NRG3: variants seen among roughly 807,000 people sequenced by gnomAD.
The protein encoded by NRG3 is neuregulin 3, also known as pro-neuregulin-3, membrane-bound isoform.
Under a neutral mutation model 66.9 loss-of-function variants are expected in NRG3, and 31 were observed. The ratio of observed to expected loss-of-function variants is 0.46; its 90% CI spans 0.35 to 0.63. NRG3 has a LOEUF of 0.63. Among genes scored for constraint, NRG3 ranks in the 20% least tolerant of loss-of-function variants. The pLI, the probability that NRG3 is intolerant of heterozygous loss-of-function variation, is 0.00. For missense variants in NRG3, 910 were observed against 878.9 expected (o/e 1.04, Z -0.45); for synonymous variants, 393 against 359.4 (o/e 1.09, Z -1.06).
At chr10:82,650,643 T>A (rs1018187420) in intron 2 of NRG3, among the ~76,000 whole-genome samples, 3 of 152,232 alleles carry the variant, frequency 2.0e-5, no homozygotes, top group African/African-American at 7.2e-5. Context: ...TGCATCCACA[T>A]CAGTTTAAGT....
At chr10:82,019,232 T>C (rs191740228) in intron 1 of NRG3, among the ~76,000 whole-genome samples, 12 of 152,316 alleles carry the variant, frequency 7.9e-5, no homozygotes, top group Admixed American at 7.8e-4. Context: ...ATATACTGGA[T>C]TACGTTTATT....
chr10:82,285,974 G>T (rs1242263986), intron 1 of NRG3, among the ~76,000 whole-genome samples: 1 of 152,178 alleles, frequency 6.6e-6, no homozygotes. Flanking sequence ...ACAAATAACT[G>T]TTGATTCTTT....
intron 2 of NRG3, among the ~76,000 whole-genome samples, chr10:82,458,490 T>C (rs1276697491): frequency 2.0e-5 from 3 of 152,062 alleles, no homozygotes; most frequent in Non-Finnish European, 4.4e-5. Context: ...ATAAAGACAC[T>C]GACAAAAAGA....
At chr10:82,112,881 T>C (rs2067472549) in intron 1 of NRG3, among the ~76,000 whole-genome samples, 11 of 152,228 alleles carry the variant, frequency 7.2e-5, no homozygotes, top group Admixed American at 6.5e-4. Context: ...CAAGCTGTAA[T>C]GGCTATTCTG....
At chr10:82,511,968 T>C (rs588386) in intron 2 of NRG3, among the ~76,000 whole-genome samples, 62,079 of 152,010 alleles carry the variant, frequency 0.41, 15,157 homozygotes, top group African/African-American at 0.68. Flanking sequence ...TATTGTTCTT[T>C]TTGTTATTTA....
At chr10:82,727,545 C>A (rs59944468) in intron 2 of NRG3, among the ~76,000 whole-genome samples, 13,171 of 152,290 alleles carry the variant, frequency 0.086, 757 homozygotes, top group African/African-American at 0.15. Context: ...TTGGAAACCT[C>A]TGCCTAGATT....
chr10:82,453,194 T>C (rs1487977641), intron 2 of NRG3, among the ~76,000 whole-genome samples: 1 of 152,208 alleles, frequency 6.6e-6, no homozygotes, highest in African/African-American at 2.4e-5. Context: ...TGAAAAATGC[T>C]ACACAGATTC....
intron 1 of NRG3, among the ~76,000 whole-genome samples, chr10:82,198,467 A>G (rs1264156404): frequency 2.0e-5 from 3 of 152,182 alleles, no homozygotes; most frequent in Non-Finnish European, 1.5e-5. Flanking sequence ...GGTGCTGACT[A>G]TTTGAGTGGG....
At chr10:82,898,684 G>A (rs950448950) in intron 4 of NRG3, among the ~76,000 whole-genome samples, 89 of 150,824 alleles carry the variant, frequency 5.9e-4, no homozygotes, top group Non-Finnish European at 1.0e-3. Flanking sequence ...GACATTAGGT[G>A]TGGGGCTGAA....
At chr10:82,440,961 T>C (rs911213948) in intron 2 of NRG3, among the ~76,000 whole-genome samples, 5 of 152,222 alleles carry the variant, frequency 3.3e-5, no homozygotes, top group Non-Finnish European at 7.3e-5. Flanking sequence ...TTAGAAAATG[T>C]GCACATATTT....
chr10:82,966,761 A>G (rs1032613091), intron 6 of NRG3, among the ~76,000 whole-genome samples: 1 of 152,190 alleles, frequency 6.6e-6, no homozygotes, highest in African/African-American at 2.4e-5. Context: ...TTTTATCAGT[A>G]TAAATAAACT....
At chr10:82,735,849 C>T (rs2058129286) in intron 2 of NRG3, among the ~76,000 whole-genome samples, 1 of 152,072 alleles carries the variant, frequency 6.6e-6, no homozygotes, top group African/African-American at 2.4e-5. Context: ...GTGCAGCAAA[C>T]CACCATGGCA....
At chr10:82,831,531 C>T (rs2062522766) in intron 3 of NRG3, among the ~76,000 whole-genome samples, 1 of 152,020 alleles carries the variant, frequency 6.6e-6, no homozygotes. Flanking sequence ...ATGATGAAGT[C>T]TTGGCTGGGC....
chr10:82,883,259 CCAAT>C (rs138006905), intron 4 of NRG3, among the ~76,000 whole-genome samples: 30,932 of 151,628 alleles, frequency 0.2, 3,402 homozygotes, highest in African/African-American at 0.31. Context: ...CAACAATTGC[CCAAT>C]CAAATTCTTA....
chr10:82,879,568 C>G (rs553523892), intron 4 of NRG3, among the ~76,000 whole-genome samples: 48 of 151,098 alleles, frequency 3.2e-4, no homozygotes, highest in African/African-American at 1.1e-3. Context: ...CACCTCCCGG[C>G]TTCACGCCAT....
intron 3 of NRG3, among the ~76,000 whole-genome samples, chr10:82,835,417 A>G (rs2062725728): frequency 6.6e-6 from 1 of 152,182 alleles, no homozygotes; most frequent in African/African-American, 2.4e-5. Flanking sequence ...CAAGATTTAC[A>G]TTAGTATAGA....
chr10:82,567,330 G>A (rs77653502), intron 2 of NRG3, among the ~76,000 whole-genome samples: 3 of 152,006 alleles, frequency 2.0e-5, no homozygotes, highest in East Asian at 1.9e-4. Context: ...CAGAAATTCC[G>A]ATGATTAATA....
At chr10:82,527,171 C>T (rs1846786494) in intron 2 of NRG3, among the ~76,000 whole-genome samples, 1 of 151,234 alleles carries the variant, frequency 6.6e-6, no homozygotes, top group African/African-American at 2.4e-5. Flanking sequence ...TATTGTATTA[C>T]CAAAAAAAAA....
At position 82,322,957 on chromosome 10, in the gene NRG3, G is replaced by A. The variant is rs186419763; in HGVS notation, c.824-35782G>A. On this transcript the variant is annotated intron_variant, in intron 1 of 8. Coordinates refer to ENST00000372141, the MANE Select transcript of NRG3 (RefSeq NM_001010848.4). ...TCCTAGAATAAAACAGTTCCGTCTG[G>A]CGTACTGTTATTCAGAGCCTTCTGA... Among the ~76,000 whole-genome samples, 13 of 152,272 alleles carry A rather than the reference G, an allele frequency of 8.5e-5. No individual in the cohort carries two copies. In the East Asian group the frequency reaches 2.3e-3, roughly 27 times the overall value.
Sources: allele counts gnomAD v4.1 joint callset (sites outside exome capture counted in the v4.1 genomes callset), GRCh38; gene constraint gnomAD v4.1.1; transcripts MANE v1.5; gene names NCBI Gene and HGNC (gene_info 2026-07-23, HGNC 2026-07-21).